The following CCDC148 variants were observed in gnomAD, a reference collection of about 807,000 sequenced individuals.
CCDC148 encodes coiled-coil domain-containing protein 148.
Under a neutral mutation model 85.7 loss-of-function variants are expected in CCDC148, and 89 were observed. The observed-to-expected ratio is 1.04, with a 90% CI of 0.87 to 1.24. CCDC148 has a LOEUF of 1.24. CCDC148 is among the 50% of genes most tolerant of loss of function. The pLI is 0.00. For missense variants in CCDC148, 692 were observed against 671.7 expected (o/e 1.03, Z -0.33); for synonymous variants, 230 against 213.9 (o/e 1.08, Z -0.66).
intron 10 of CCDC148, among the ~76,000 whole-genome samples, chr2:158,238,238 A>G (rs1688198074): frequency 6.6e-6 from 1 of 151,916 alleles, no homozygotes; most frequent in Non-Finnish European, 1.5e-5. Context: ...GTGGTGGGAG[A>G]GAAATTGGGA....
intron 9 of CCDC148, among the ~76,000 whole-genome samples, chr2:158,292,510 C>A (rs762668120): frequency 1.3e-5 from 2 of 152,120 alleles, no homozygotes; most frequent in African/African-American, 2.4e-5. Flanking sequence ...CCATTCTGAC[C>A]TTGAAATTCT....
At chr2:158,281,798 A>G (rs564330321) in intron 9 of CCDC148, among the ~76,000 whole-genome samples, 6 of 152,208 alleles carry the variant, frequency 3.9e-5, no homozygotes, top group Non-Finnish European at 8.8e-5. Flanking sequence ...TCATCCTGAT[A>G]CCAAAGCCGG....
intron 11 of CCDC148, among the ~76,000 whole-genome samples, chr2:158,193,539 CCA>C (rs532295569): frequency 5.3e-4 from 81 of 151,922 alleles, no homozygotes; most frequent in Non-Finnish European, 9.0e-4. Flanking sequence ...GCATTCAAGC[CCA>C]CACACACTCA....
rs1691872460 is a variant in CCDC148, at chr2:158,309,579, T to A, written c.964A>T (p.Ile322Leu). 1.2e-6 allele frequency: 2 copies of A among 1,613,860 alleles called. No individual in the cohort carries two copies. Among genetic ancestry groups the A allele is most frequent in the African/African-American group, 2.7e-5 (2 of 74,932 alleles). The change falls in exon 9 of 14, where the codon ATA becomes TTA. Residue 322 changes from isoleucine (I) to leucine (L), a missense_variant. Physicochemically the swap from Ile to Leu is conservative, Grantham distance 5. Transcript: ENST00000283233. ...RFAIEQQNIL[I>L]SNWNKNKKDF... ...TTCTTATTTTTATTCCAATTTGATA[T>A]CAGGATATTTTGCTGCTCTATAGCA...
At chr2:158,388,642 C>A (rs957227506) in intron 1 of CCDC148, among the ~76,000 whole-genome samples, 2 of 152,000 alleles carry the variant, frequency 1.3e-5, no homozygotes, top group Admixed American at 1.3e-4. Context: ...CTACTGGTGC[C>A]CGCCACAATG....
intron 1 of CCDC148, among the ~76,000 whole-genome samples, chr2:158,415,333 A>C (rs1263730482): frequency 6.6e-6 from 1 of 152,060 alleles, no homozygotes; most frequent in Admixed American, 6.5e-5. Context: ...TTCACTCACT[A>C]TCATGAGAAC....
intron 1 of CCDC148, among the ~76,000 whole-genome samples, chr2:158,423,109 T>A (rs920286893): frequency 1.3e-5 from 2 of 152,196 alleles, no homozygotes; most frequent in African/African-American, 4.8e-5. Flanking sequence ...GAACATTCCA[T>A]GCTCATGGAT....
At chr2:158,279,350 C>G (rs1690140287) in intron 9 of CCDC148, among the ~76,000 whole-genome samples, 1 of 152,078 alleles carries the variant, frequency 6.6e-6, no homozygotes, top group African/African-American at 2.4e-5. Flanking sequence ...GAAATTCAAA[C>G]CAAAGGCAAA....
chr2:158,300,259 C>T (rs1559053964), intron 9 of CCDC148, among the ~76,000 whole-genome samples: 1 of 152,084 alleles, frequency 6.6e-6, no homozygotes, highest in South Asian at 2.1e-4. Context: ...GAACAAAATG[C>T]CTAAGGCTTA....
chr2:158,309,498 T>C lies in CCDC148; in HGVS notation c.1045A>G (p.Met349Val). 6.2e-7 allele frequency: 1 copy of C among 1,614,174 alleles called. No homozygotes were observed. Among genetic ancestry groups the C allele is most frequent in the Non-Finnish European group, 8.5e-7 (1 of 1,180,012 alleles). The change falls in exon 9 of 14, where the codon ATG becomes GTG. Residue 349 changes from methionine (M) to valine (V), a missense_variant. Physicochemically the swap from Met to Val is conservative, Grantham distance 21. Coordinates refer to ENST00000283233, the MANE Select transcript of CCDC148 (RefSeq NM_138803.4). The stretch of plus-strand genomic sequence containing the variant: ...TTGTCCTTAGCCAACATGCTCTCCA[T>C]TTCATGTGTTGCACAAGCCTCAGTG... ...TLTEACATHE[M>V]ESMLAKDKKK...
chr2:158,177,662 ATAAC>A (rs1050397813), intron 12 of CCDC148, among the ~76,000 whole-genome samples: 3 of 152,172 alleles, frequency 2.0e-5, no homozygotes, highest in African/African-American at 7.2e-5. Flanking sequence ...TATAAGTTGA[ATAAC>A]TAAAATTTTG....
chr2:158,327,977 T>C (rs1361869099), intron 7 of CCDC148, among the ~76,000 whole-genome samples: 2 of 152,232 alleles, frequency 1.3e-5, no homozygotes, highest in Admixed American at 6.5e-5. Context: ...TTGGGTTCTA[T>C]TTACATTAAT....
chr2:158,423,058 C>T (rs1686882246), intron 1 of CCDC148, among the ~76,000 whole-genome samples: 1 of 152,126 alleles, frequency 6.6e-6, no homozygotes, highest in African/African-American at 2.4e-5. Context: ...GAACTACAAA[C>T]CACTGCTCAA....
chr2:158,454,866 A>G (rs1478608687), intron 1 of CCDC148, among the ~76,000 whole-genome samples: 3 of 152,256 alleles, frequency 2.0e-5, no homozygotes, highest in African/African-American at 4.8e-5. Flanking sequence ...TTGAGTGGCA[A>G]CTTATTTCAG....
chr2:158,427,004 GA>G (rs1231023372), intron 1 of CCDC148, among the ~76,000 whole-genome samples: 2 of 152,142 alleles, frequency 1.3e-5, no homozygotes, highest in Admixed American at 6.6e-5. Context: ...ATAATTAAGT[GA>G]AAAGTTGACC....
At chr2:158,278,348 G>T (rs1690064714) in intron 9 of CCDC148, among the ~76,000 whole-genome samples, 1 of 152,128 alleles carries the variant, frequency 6.6e-6, no homozygotes, top group African/African-American at 2.4e-5. Context: ...GATGCGAAAG[G>T]GATCAGAGAG....
At chr2:158,200,621 A>G (rs1685907277) in intron 11 of CCDC148, among the ~76,000 whole-genome samples, 1 of 152,200 alleles carries the variant, frequency 6.6e-6, no homozygotes, top group African/African-American at 2.4e-5. Context: ...GCTTCAGGTA[A>G]AATATTTTGG....
chr2:158,179,331 G>T (rs1169083541), intron 11 of CCDC148, among the ~76,000 whole-genome samples: 1 of 151,704 alleles, frequency 6.6e-6, no homozygotes, highest in Admixed American at 6.6e-5. Flanking sequence ...GCTAATTTTT[G>T]TATTTTTAGT....
intron 9 of CCDC148, among the ~76,000 whole-genome samples, chr2:158,298,941 A>G (rs753549117): frequency 1.2e-3 from 178 of 152,096 alleles, no homozygotes; most frequent in Admixed American, 9.8e-4. Flanking sequence ...GACATTGTGA[A>G]TCATATTTGT....
Sources: allele counts gnomAD v4.1 joint callset (sites outside exome capture counted in the v4.1 genomes callset), GRCh38; gene constraint gnomAD v4.1.1; transcripts MANE v1.5; gene names NCBI Gene and HGNC (gene_info 2026-07-23, HGNC 2026-07-21).